The following COPG2 variants were observed in gnomAD, a reference collection of about 807,000 sequenced individuals.
COPG2 encodes coat protein complex I subunit gamma 2.
A neutral mutation model predicts 46.3 loss-of-function variants in COPG2; 37 were observed. The ratio of observed to expected loss-of-function variants is 0.80; its 90% CI spans 0.61 to 1.05. The LOEUF (loss-of-function observed/expected upper bound fraction) is 1.05. COPG2 is among the 50% of genes least tolerant of loss of function. The probability of loss-of-function intolerance (pLI) is 0.00; values close to 1 mark genes in which losing one functional copy is unlikely to be tolerated. For synonymous variants in COPG2, 159 were observed against 129.7 expected (o/e 1.23, Z -1.53); for missense variants, 427 against 387.8 (o/e 1.10, Z -0.85).
intron 9 of COPG2, among the ~76,000 whole-genome samples, chr7:130,570,945 G>A (rs985663197): frequency 5.9e-5 from 9 of 152,116 alleles, no homozygotes; most frequent in South Asian, 2.1e-4. Flanking sequence ...AACATAAAGC[G>A]GGGAAAGGAC....
chr7:130,511,454 G>A (rs1554441002), intron 20 of COPG2: 1 of 519,990 alleles, frequency 1.9e-6, no homozygotes, highest in South Asian at 1.4e-5. Context: ...CACCTACCTG[G>A]AAAATCGTGT....
At chr7:130,555,811 C>G (rs1279163252) in intron 12 of COPG2, among the ~76,000 whole-genome samples, 1 of 151,982 alleles carries the variant, frequency 6.6e-6, no homozygotes, top group Non-Finnish European at 1.5e-5. Context: ...GCCTGGGTGA[C>G]AGAGAGAGAC....
At chr7:130,557,816 T>A (rs1732838244) in intron 12 of COPG2, among the ~76,000 whole-genome samples, 2 of 106 alleles carry the variant, frequency 0.019, no homozygotes, top group South Asian at 0.083. Context: ...AAACTCCATC[T>A]CAAAAAAAAA....
chr7:130,595,475 A>G (rs1321348857), intron 9 of COPG2, among the ~76,000 whole-genome samples: 2 of 152,218 alleles, frequency 1.3e-5, no homozygotes, highest in Non-Finnish European at 2.9e-5. Context: ...AAAATTAACT[A>G]TATACTTTTA....
At chr7:130,655,078 G>C (rs781997040) in intron 4 of COPG2, among the ~76,000 whole-genome samples, 35 of 151,900 alleles carry the variant, frequency 2.3e-4, no homozygotes, top group Non-Finnish European at 4.3e-4. Context: ...TACCATTTCT[G>C]GGTTTGTGTC....
intron 10 of COPG2, among the ~76,000 whole-genome samples, chr7:130,563,755 C>CAACAAAAAAAAAAA (rs1793755759): frequency 1.1e-5 from 1 of 89,008 alleles, no homozygotes; most frequent in Non-Finnish European, 1.9e-5. Flanking sequence ...GACTCCGTCT[C>CAACAAAAAAAAAAA]AAAAAAAAAA....
chr7:130,519,827 G>T (rs1799711026), intron 20 of COPG2, among the ~76,000 whole-genome samples: 1 of 152,168 alleles, frequency 6.6e-6, no homozygotes, highest in Non-Finnish European at 1.5e-5. Flanking sequence ...ATAAATTAAA[G>T]AAACAGAACT....
chr7:130,545,726 A>G (rs1257692925), intron 20 of COPG2, among the ~76,000 whole-genome samples: 2 of 152,184 alleles, frequency 1.3e-5, no homozygotes, highest in Non-Finnish European at 2.9e-5. Flanking sequence ...CAAACAAACC[A>G]TCAAGCAAAA....
intron 20 of COPG2, 161 bp downstream of exon 20, chr7:130,547,513 T>TAA: frequency 2.5e-6 from 1 of 396,262 alleles, no homozygotes; most frequent in African/African-American, 2.1e-5. Flanking sequence ...AACCATTTTA[T>TAA]AAATATATAT....
chr7:130,624,472 A>T (rs184623270), intron 5 of COPG2, among the ~76,000 whole-genome samples: 1 of 151,912 alleles, frequency 6.6e-6, no homozygotes, highest in Non-Finnish European at 1.5e-5. Flanking sequence ...GGTTACATAG[A>T]TAAGTTCTTT....
At chr7:130,610,731 T>C in intron 9 of COPG2, 2 of 647,476 alleles carry the variant, frequency 3.1e-6, no homozygotes, top group Non-Finnish European at 5.5e-6. Flanking sequence ...TCAATATCAG[T>C]TTGTTAATGT....
chr7:130,506,516 G>A lies in COPG2; in HGVS notation c.*160C>T. The A allele has an allele frequency of 9.0e-6, 4 of 445,668 alleles. No individual in the cohort carries two copies. Among genetic ancestry groups the A allele is most frequent in the African/African-American group, 2.1e-5 (1 of 48,074 alleles). 27.6% of individuals were successfully genotyped at this position (445,668 alleles called of 1,614,324 possible). ...AAAAAAAAAACAACCCATGCGCAAA[G>A]ATAGACATTTGCTTGATCTGCTGGC... is the stretch of plus-strand genomic sequence containing the variant. On this transcript the variant is annotated 3_prime_UTR_variant, in exon 24 of 24. Coordinates refer to ENST00000425248, the MANE Select transcript of COPG2 (RefSeq NM_012133.6).
intron 9 of COPG2, among the ~76,000 whole-genome samples, chr7:130,577,851 C>A (rs1794040362): frequency 6.6e-6 from 1 of 152,076 alleles, no homozygotes; most frequent in South Asian, 2.1e-4. Context: ...GGTCCTACGC[C>A]CACGGAATCT....
At chr7:130,535,406 A>G (rs1351032702) in intron 20 of COPG2, among the ~76,000 whole-genome samples, 6 of 151,848 alleles carry the variant, frequency 4.0e-5, no homozygotes, top group African/African-American at 1.2e-4. Context: ...GACAGCCATA[A>G]GCAGGACAGC....
chr7:130,538,922 C>T (rs1398421309), intron 20 of COPG2, among the ~76,000 whole-genome samples: 1 of 152,074 alleles, frequency 6.6e-6, no homozygotes, highest in Non-Finnish European at 1.5e-5. Flanking sequence ...ACACAGGTAG[C>T]ATCTTAGATT....
intron 3 of COPG2, among the ~76,000 whole-genome samples, chr7:130,665,835 CAAAAAAA>C (rs199850330): frequency 5.4e-5 from 4 of 74,314 alleles, no homozygotes; most frequent in South Asian, 4.2e-4. Flanking sequence ...AAGTCTGGGG[CAAAAAAA>C]AAAAAAAGAA....
intron 9 of COPG2, among the ~76,000 whole-genome samples, chr7:130,603,141 A>T (rs1794668416): frequency 6.6e-6 from 1 of 152,206 alleles, no homozygotes; most frequent in South Asian, 2.1e-4. Context: ...GACAGTATGA[A>T]AATCATACGT....
chr7:130,592,257 A>C (rs890790132), intron 9 of COPG2, among the ~76,000 whole-genome samples: 2 of 152,176 alleles, frequency 1.3e-5, no homozygotes, highest in Non-Finnish European at 2.9e-5. Flanking sequence ...CAGGGACACA[A>C]ACACTGTGGA....
chr7:130,589,494 G>C (rs1277889835), intron 9 of COPG2, among the ~76,000 whole-genome samples: 1 of 151,980 alleles, frequency 6.6e-6, no homozygotes, highest in Admixed American at 6.6e-5. Flanking sequence ...TATGTTGGCG[G>C]GGCTAGTCTT....
Sources: gnomAD v4.1 joint callset for allele counts (sites outside exome capture counted in the v4.1 genomes callset) on GRCh38, gnomAD v4.1.1 for gene constraint, MANE v1.5 for transcripts, NCBI Gene and HGNC (gene_info 2026-07-23, HGNC 2026-07-21) for gene names.